The following XKR4 variants were observed in gnomAD, a reference collection of about 807,000 sequenced individuals.
XKR4 encodes the protein XK related 4.
Under a neutral mutation model 53.9 loss-of-function variants are expected in XKR4, and 12 were observed. The ratio of observed to expected loss-of-function variants is 0.22; its 90% CI spans 0.14 to 0.36. The LOEUF (loss-of-function observed/expected upper bound fraction) is 0.36. Ranked by LOEUF, XKR4 falls within the 10% of genes least tolerant of loss-of-function variation. XKR4 has a pLI of 1.00. For synonymous variants in XKR4, 354 were observed against 362.4 expected (o/e 0.98, Z 0.26); for missense variants, 799 against 859.5 (o/e 0.93, Z 0.88).
intron 2 of XKR4, among the ~76,000 whole-genome samples, chr8:55,361,369 A>G (rs1269849678): frequency 1.3e-5 from 2 of 152,122 alleles, no homozygotes; most frequent in African/African-American, 2.4e-5. Flanking sequence ...GAGATGGACC[A>G]TGGCATTTCT....
At chr8:55,235,146 G>A (rs913115263) in intron 1 of XKR4, among the ~76,000 whole-genome samples, 1 of 152,164 alleles carries the variant, frequency 6.6e-6, no homozygotes, top group Admixed American at 6.5e-5. Flanking sequence ...TGGCAGTCCT[G>A]GTGCTCGTTG....
chr8:55,455,181 G>A, intron 2 of XKR4: 1 of 505,406 alleles, frequency 2.0e-6, no homozygotes, highest in Non-Finnish European at 3.7e-6. Flanking sequence ...GGGGACTCGA[G>A]GGCTGCGCGC....
intron 1 of XKR4, among the ~76,000 whole-genome samples, chr8:55,171,097 G>A (rs1454507060): frequency 1.3e-5 from 2 of 152,158 alleles, no homozygotes; most frequent in African/African-American, 2.4e-5. Flanking sequence ...ACAGATAAGA[G>A]CAGAAAATGG....
chr8:55,388,917 T>C (rs558481061), intron 2 of XKR4, among the ~76,000 whole-genome samples: 159 of 152,382 alleles, frequency 1.0e-3, no homozygotes, highest in African/African-American at 3.7e-3. Context: ...AAAATATGCC[T>C]GAGTCTTATG....
chr8:55,459,394 A>G (rs1036370405), intron 2 of XKR4, among the ~76,000 whole-genome samples: 10 of 152,180 alleles, frequency 6.6e-5, no homozygotes, highest in African/African-American at 2.4e-4. Flanking sequence ...ATTGGATACC[A>G]AAAGTGTGAC....
At chr8:55,471,095 T>G (rs917256557) in intron 2 of XKR4, among the ~76,000 whole-genome samples, 1 of 152,106 alleles carries the variant, frequency 6.6e-6, no homozygotes, top group African/African-American at 2.4e-5. Flanking sequence ...AAATAACTAT[T>G]TAATAATTGA....
At chr8:55,449,044 T>C (rs1434974632) in intron 2 of XKR4, among the ~76,000 whole-genome samples, 3 of 151,882 alleles carry the variant, frequency 2.0e-5, no homozygotes, top group African/African-American at 4.8e-5. Context: ...ACTTGAACTT[T>C]TAGTCATGGT....
chr8:55,145,109 G>C (rs1816755318), intron 1 of XKR4, among the ~76,000 whole-genome samples: 1 of 152,082 alleles, frequency 6.6e-6, no homozygotes, highest in African/African-American at 2.4e-5. Flanking sequence ...TGGGATTATA[G>C]GTGTGAGCCA....
chr8:55,293,850 T>C (rs1328925214), intron 1 of XKR4, among the ~76,000 whole-genome samples: 1 of 152,208 alleles, frequency 6.6e-6, no homozygotes, highest in Non-Finnish European at 1.5e-5. Context: ...TCTAGACTCA[T>C]AGTTAGGAAA....
Position 55,524,059 on chromosome 8 carries a change from T to C in XKR4, c.1785T>C (p.Ile595=), listed in dbSNP as rs1806845736. 1 of 1,614,106 alleles carries C rather than the reference T, an allele frequency of 6.2e-7. No homozygotes were observed. Among genetic ancestry groups the C allele is most frequent in the Non-Finnish European group, 8.5e-7 (1 of 1,180,056 alleles). ...SRPPRIEESV[I]KIDLFRNRYP... ...CACCACGGATTGAAGAATCAGTCAT[T>C]AAAATTGACTTGTTCAGGAATAGGT... Residue 595 remains isoleucine, a synonymous_variant, in exon 3 of 3, where the codon ATT becomes ATC. Transcript: ENST00000327381.
intron 1 of XKR4, among the ~76,000 whole-genome samples, chr8:55,213,347 G>A (rs186830269): frequency 1.3e-5 from 2 of 152,292 alleles, no homozygotes; most frequent in East Asian, 1.9e-4. Flanking sequence ...CTTGCACTAA[G>A]TCAGTTCCTA....
intron 2 of XKR4, among the ~76,000 whole-genome samples, chr8:55,427,030 G>A (rs965164209): frequency 2.6e-5 from 4 of 152,154 alleles, no homozygotes; most frequent in African/African-American, 7.2e-5. Flanking sequence ...AAGTGAATCA[G>A]GTCAGTGCCA....
At chr8:55,298,506 G>A (rs1007232432) in intron 1 of XKR4, among the ~76,000 whole-genome samples, 1 of 152,104 alleles carries the variant, frequency 6.6e-6, no homozygotes, top group South Asian at 2.1e-4. Flanking sequence ...ATATCACATG[G>A]AGAAAGAAGG....
intron 2 of XKR4, among the ~76,000 whole-genome samples, chr8:55,487,319 G>T (rs113347423): frequency 6.6e-4 from 101 of 152,240 alleles, no homozygotes; most frequent in African/African-American, 2.4e-3. Flanking sequence ...TTCTCTATGA[G>T]CCCACAGTCA....
intron 1 of XKR4, among the ~76,000 whole-genome samples, chr8:55,155,625 A>C (rs1398337568): frequency 1.5e-5 from 2 of 134,474 alleles, no homozygotes; most frequent in African/African-American, 6.5e-5. Flanking sequence ...AAAAAGATAA[A>C]GGCATTAAGA....
At chr8:55,186,451 C>A (rs563378273) in intron 1 of XKR4, among the ~76,000 whole-genome samples, 2 of 152,000 alleles carry the variant, frequency 1.3e-5, no homozygotes, top group African/African-American at 2.4e-5. Flanking sequence ...GTCAGGAGAT[C>A]GAGACCATCC....
intron 1 of XKR4, chr8:55,164,329 G>C (rs764411473): frequency 6.6e-6 from 3 of 455,054 alleles, no homozygotes; most frequent in South Asian, 4.7e-5. Context: ...TATTTGGAGG[G>C]TGAGATGACC....
chr8:55,449,353 G>A (rs1013310995), intron 2 of XKR4, among the ~76,000 whole-genome samples: 6 of 152,266 alleles, frequency 3.9e-5, no homozygotes, highest in African/African-American at 9.6e-5. Context: ...GGCGGTGCGG[G>A]GCAGGGACTA....
chr8:55,254,563 G>A (rs1818407966), intron 1 of XKR4, among the ~76,000 whole-genome samples: 1 of 152,222 alleles, frequency 6.6e-6, no homozygotes, highest in African/African-American at 2.4e-5. Flanking sequence ...AATGTTCACG[G>A]TTTGATAAAG....
Sources: gnomAD v4.1 joint callset for allele counts (sites outside exome capture counted in the v4.1 genomes callset) on GRCh38, gnomAD v4.1.1 for gene constraint, MANE v1.5 for transcripts, NCBI Gene and HGNC (gene_info 2026-07-23, HGNC 2026-07-21) for gene names.